Variants in CADPS observed in about 807,000 individuals in gnomAD.
CADPS encodes the protein calcium-dependent secretion activator 1.
Under a neutral mutation model 167.3 loss-of-function variants are expected in CADPS, and 57 were observed. The observed-to-expected ratio is 0.34, with a 90% CI of 0.28 to 0.42. The LOEUF is 0.42. Ranked by LOEUF, CADPS falls within the 20% of genes least tolerant of loss-of-function variation. CADPS has a pLI of 1.00. For synonymous variants in CADPS, 676 were observed against 635.3 expected, an observed-to-expected ratio of 1.06 and a Z score of -0.96; for missense variants, 1,414 against 1,738.1, an observed-to-expected ratio of 0.81 and a Z score of 3.32.
intron 28 of CADPS, among the ~76,000 whole-genome samples, chr3:62,430,528 A>C (rs1560276500): frequency 1.3e-5 from 2 of 152,128 alleles, no homozygotes; most frequent in Admixed American, 6.6e-5. Flanking sequence ...ACGAACTTGG[A>C]TTGTTTTTTA....
At chr3:62,522,614 G>T in intron 13 of CADPS, among the ~76,000 whole-genome samples, 1 of 152,156 alleles carries the variant, frequency 6.6e-6, no homozygotes, top group Non-Finnish European at 1.5e-5. Context: ...CCCAGAGTTA[G>T]TTTTTGTTAC....
chr3:62,646,584 T>G (rs1339387103), intron 5 of CADPS, among the ~76,000 whole-genome samples: 1 of 152,160 alleles, frequency 6.6e-6, no homozygotes, highest in Admixed American at 6.5e-5. Context: ...GTGCAAATAC[T>G]AAAATAAAGG....
At chr3:62,751,537 C>T (rs1054262630) in intron 3 of CADPS, among the ~76,000 whole-genome samples, 6 of 152,054 alleles carry the variant, frequency 3.9e-5, no homozygotes, top group African/African-American at 1.4e-4. Flanking sequence ...ATTCTCCTGC[C>T]TCAGCCTCCC....
At chr3:62,803,332 CTTTTT>C (rs57928697) in intron 1 of CADPS, among the ~76,000 whole-genome samples, 8 of 139,656 alleles carry the variant, frequency 5.7e-5, no homozygotes, top group South Asian at 2.3e-4. Context: ...GAGATGCTTC[CTTTTT>C]TTTTTTTTTT....
chr3:62,773,501 A>G (rs983890021), intron 1 of CADPS, among the ~76,000 whole-genome samples: 22 of 151,988 alleles, frequency 1.4e-4, no homozygotes, highest in Non-Finnish European at 2.9e-5. Context: ...CTGTTATCCT[A>G]GACTTCCCTT....
chr3:62,638,988 C>A (rs374928408), intron 6 of CADPS, among the ~76,000 whole-genome samples: 17 of 152,200 alleles, frequency 1.1e-4, no homozygotes, highest in Middle Eastern at 3.4e-3. Context: ...TAGCACCTTG[C>A]TTCCTTCCCA....
chr3:62,600,411 A>G (rs947886001), intron 6 of CADPS, among the ~76,000 whole-genome samples: 8 of 152,280 alleles, frequency 5.3e-5, no homozygotes, highest in Non-Finnish European at 8.8e-5. Flanking sequence ...GACTGTAGAA[A>G]TGCCATCACC....
rs1242130335 is a variant in CADPS, at chr3:62,874,720, C to G, written c.310G>C (p.Glu104Gln). The change falls in exon 1 of 30, where the codon GAG becomes CAG. Residue 104 changes from glutamate to glutamine, a missense_variant. Transcript: ENST00000383710. This position sits in a 1 kb window ranked among gnomAD's most constrained non-coding sequence, Gnocchi z 7.1. ...PSVVSEKEKEELERLQKEEEE... is the reference protein window; with the variant it reads ...PSVVSEKEKEQLERLQKEEEE... Reference sequence around the variant, plus strand: ...TCCTCTTTCTGCAGCCGCTCCAACTCTTCCTTCTCCTTCTCGCTCACCACC... The same window carrying G: ...TCCTCTTTCTGCAGCCGCTCCAACTGTTCCTTCTCCTTCTCGCTCACCACC... The G allele has an allele frequency of 5.2e-6, 8 of 1,534,638 alleles. No homozygotes were observed. The highest frequency in any genetic ancestry group is 7.1e-6 in the Non-Finnish European group (8 of 1,131,544).
At chr3:62,632,072 G>C (rs2065385627) in intron 6 of CADPS, among the ~76,000 whole-genome samples, 1 of 152,150 alleles carries the variant, frequency 6.6e-6, no homozygotes, top group Non-Finnish European at 1.5e-5. Context: ...GACATAACTA[G>C]CTGTGAACTA....
chr3:62,440,345 C>T (rs556511079), intron 27 of CADPS: 2 of 152,276 alleles, frequency 1.3e-5, no homozygotes, highest in African/African-American at 4.8e-5. Context: ...AAAAAAACTT[C>T]TCTGGGCCTT....
chr3:62,874,936 G>T lies in CADPS; in HGVS notation c.94C>A (p.Arg32Ser). 1.3e-6 allele frequency: 2 copies of T among 1,518,730 alleles called. No individual in the cohort carries two copies. Among genetic ancestry groups the T allele is most frequent in the Non-Finnish European group, 1.8e-6 (2 of 1,136,442 alleles). 94.1% of individuals were successfully genotyped at this position (1,518,730 alleles called of 1,614,324 possible). A position where few individuals can be genotyped will look rare whatever the true frequency, so the allele number is the denominator to read the frequency against. Reference sequence around the variant, plus strand: ...TCGCTGGTACGGCTGGGAGACAGGCGCGCGCCGGACGGGGCCGAGCCGAGC... The same window carrying T: ...TCGCTGGTACGGCTGGGAGACAGGCTCGCGCCGGACGGGGCCGAGCCGAGC... ...EVLGSAPSGA[R>S]LSPSRTSEGS... The change falls in exon 1 of 30, where the codon CGC (arginine) becomes AGC (serine). Residue 32 changes from arginine to serine, a missense_variant. Physicochemically the swap from Arg to Ser is moderately radical, Grantham distance 110. This residue lies in a region of CADPS where 522 missense variants were observed against 559.5 expected (regional missense o/e 0.93). Coordinates refer to ENST00000383710, the MANE Select transcript of CADPS (RefSeq NM_003716.4). This position sits in a 1 kb window ranked among gnomAD's most constrained non-coding sequence, Gnocchi z 7.1.
At chr3:62,571,038 G>A (rs1174329962) in intron 8 of CADPS, 100 bp from the exon 9 acceptor site, 41 of 825,460 alleles carry the variant, frequency 5.0e-5, no homozygotes, top group East Asian at 2.7e-4. Context: ...ACAAGGAAAC[G>A]CACATGGCTC....
At chr3:62,677,612 T>C (rs929249985) in intron 3 of CADPS, among the ~76,000 whole-genome samples, 1 of 152,054 alleles carries the variant, frequency 6.6e-6, no homozygotes, top group Non-Finnish European at 1.5e-5. Context: ...TAAAATGTCA[T>C]TGGTGCTGAG....
At chr3:62,758,830 G>C (rs2084651136) in intron 2 of CADPS, among the ~76,000 whole-genome samples, 1 of 152,098 alleles carries the variant, frequency 6.6e-6, no homozygotes, top group African/African-American at 2.4e-5. Flanking sequence ...TCCATCACCA[G>C]AGCCAAGCAA....
chr3:62,823,855 A>G (rs1216504865), intron 1 of CADPS, among the ~76,000 whole-genome samples: 1 of 152,196 alleles, frequency 6.6e-6, no homozygotes. Context: ...ACTGGGGATC[A>G]GAAGTCCTGT....
At position 62,678,303 on chromosome 3, in the gene CADPS, T is replaced by C. The variant is rs565807927; in HGVS notation, c.889-15909A>G. On this transcript the variant is annotated intron_variant, in intron 3 of 29. Transcript: ENST00000383710. Reference sequence around the variant, plus strand: ...TGAGGAGGTTTCTAGAAGGCAATCATACTATCTCATTATTTACTTCACTTT... The same window carrying C: ...TGAGGAGGTTTCTAGAAGGCAATCACACTATCTCATTATTTACTTCACTTT... 2.0e-5 allele frequency among the ~76,000 whole-genome samples: 3 copies of C among 152,248 alleles called. No individual in the cohort carries two copies. The South Asian group carries it at 6.2e-4, about 32-fold the overall frequency.
intron 1 of CADPS, among the ~76,000 whole-genome samples, chr3:62,823,100 C>A (rs930590465): frequency 2.6e-5 from 4 of 152,120 alleles, no homozygotes; most frequent in Non-Finnish European, 5.9e-5. Flanking sequence ...CCAAGAATAT[C>A]TATTATCTTT....
At chr3:62,730,746 T>G (rs1054863439) in intron 3 of CADPS, among the ~76,000 whole-genome samples, 1 of 152,202 alleles carries the variant, frequency 6.6e-6, no homozygotes, top group Non-Finnish European at 1.5e-5. Flanking sequence ...AGCTGTTACT[T>G]TTGCCAATGA....
intron 21 of CADPS, among the ~76,000 whole-genome samples, chr3:62,488,547 C>T (rs1386872180): frequency 1.3e-5 from 2 of 151,982 alleles, no homozygotes; most frequent in Admixed American, 6.6e-5. Context: ...GGCTGGAGTA[C>T]AGTGGCAGGA....
Sources: allele counts gnomAD v4.1 joint callset (sites outside exome capture counted in the v4.1 genomes callset), GRCh38; gene constraint gnomAD v4.1.1; regional missense constraint gnomAD v4.1.1; non-coding constraint Gnocchi (gnomAD v3.1); transcripts MANE v1.5; gene names NCBI Gene and HGNC (gene_info 2026-07-23, HGNC 2026-07-21).